The following ANKS1B variants were observed in gnomAD, a reference collection of about 807,000 sequenced individuals.
ANKS1B encodes ankyrin repeat and sterile alpha motif domain-containing protein 1B.
Under a neutral mutation model 148.3 loss-of-function variants are expected in ANKS1B, and 36 were observed. That is an observed-to-expected ratio of 0.24 (90% confidence interval 0.19 to 0.32). The LOEUF (loss-of-function observed/expected upper bound fraction) is 0.32. ANKS1B is among the 10% of genes least tolerant of loss of function. The pLI is 1.00. For synonymous variants in ANKS1B, 542 were observed against 560.8 expected (o/e 0.97, Z 0.47); for missense variants, 1,157 against 1,542.6 (o/e 0.75, Z 4.19).
chr12:99,574,879 T>A (rs1324499128), intron 9 of ANKS1B, among the ~76,000 whole-genome samples: 1 of 152,042 alleles, frequency 6.6e-6, no homozygotes, highest in Non-Finnish European at 1.5e-5. Context: ...AATGCCTACT[T>A]TCAAAATTCC....
At chr12:99,847,157 C>T (rs2086810818) in intron 1 of ANKS1B, among the ~76,000 whole-genome samples, 1 of 151,340 alleles carries the variant, frequency 6.6e-6, no homozygotes, top group South Asian at 2.1e-4. Context: ...ACCCAGTACA[C>T]AGTGCAATGG....
intron 8 of ANKS1B, among the ~76,000 whole-genome samples, chr12:99,691,762 C>T (rs769225311): frequency 4.6e-5 from 7 of 152,196 alleles, no homozygotes; most frequent in Non-Finnish European, 8.8e-5. Flanking sequence ...TCCAAAGTTG[C>T]GTCCAAATTT....
intron 14 of ANKS1B, among the ~76,000 whole-genome samples, chr12:99,169,745 G>A (rs1345372836): frequency 1.3e-5 from 2 of 152,172 alleles, no homozygotes; most frequent in East Asian, 3.8e-4. Context: ...CAGTAAACTA[G>A]TAGTACTATT....
chr12:99,476,502 CTG>C (rs1205992141), intron 10 of ANKS1B, among the ~76,000 whole-genome samples: 13 of 152,060 alleles, frequency 8.5e-5, no homozygotes, highest in African/African-American at 2.9e-4. Flanking sequence ...GGGTTAATAA[CTG>C]TGATCTATAA....
At chr12:99,505,420 T>TAATTACTAATTCCTTGTAA (rs2096700635) in intron 9 of ANKS1B, among the ~76,000 whole-genome samples, 2 of 151,950 alleles carry the variant, frequency 1.3e-5, no homozygotes, top group African/African-American at 4.8e-5. Context: ...TCCTTGTAAA[T>TAATTACTAATTCCTTGTAA]ACCATTAACT....
At chr12:98,753,096 G>C (rs7959018) in intron 25 of ANKS1B, among the ~76,000 whole-genome samples, 14 of 152,178 alleles carry the variant, frequency 9.2e-5, no homozygotes. Context: ...CAAGAGACAG[G>C]TGATTCTGTC....
Position 98,745,574 on chromosome 12 carries a change from A to G in ANKS1B, c.*165T>C, listed in dbSNP as rs1687886964. ...GTCTTGCGTTTTCCATCACTGGTGCAGAAAGAACTTCCCCAGGAATGGCCA... is the reference window on the plus strand; with the variant it reads ...GTCTTGCGTTTTCCATCACTGGTGCGGAAAGAACTTCCCCAGGAATGGCCA... On this transcript the variant is annotated 3_prime_UTR_variant, in exon 27 of 27. Coordinates refer to ENST00000683438, the MANE Select transcript of ANKS1B (RefSeq NM_001352186.2). The G allele has an allele frequency of 2.2e-6, 3 of 1,394,116 alleles. No individual in the cohort carries two copies. The highest frequency in any genetic ancestry group is 2.8e-6 in the Non-Finnish European group (3 of 1,070,952). 86.4% of individuals were successfully genotyped at this position (1,394,116 alleles called of 1,614,324 possible). A position where few individuals can be genotyped will look rare whatever the true frequency, so the allele number is the denominator to read the frequency against.
chr12:99,203,573 C>T (rs1344705351), intron 14 of ANKS1B, among the ~76,000 whole-genome samples: 1 of 151,926 alleles, frequency 6.6e-6, no homozygotes. Context: ...GTCTCAGCCT[C>T]CCAAGTAGCT....
chr12:99,239,529 A>C (rs1353128205), intron 14 of ANKS1B, among the ~76,000 whole-genome samples: 1 of 152,228 alleles, frequency 6.6e-6, no homozygotes, highest in Non-Finnish European at 1.5e-5. Flanking sequence ...CGAATCTAGC[A>C]AGGCAGGCCA....
At chr12:99,001,329 A>G (rs1024216837) in intron 17 of ANKS1B, among the ~76,000 whole-genome samples, 4 of 151,902 alleles carry the variant, frequency 2.6e-5, no homozygotes, top group Non-Finnish European at 5.9e-5. Context: ...AGGTCTCACT[A>G]TGTTGCCCAG....
chr12:98,981,026 C>T (rs550881386), intron 17 of ANKS1B, among the ~76,000 whole-genome samples: 13 of 151,660 alleles, frequency 8.6e-5, no homozygotes, highest in Non-Finnish European at 1.5e-4. Flanking sequence ...TTTTTTTAGG[C>T]CAGGCATGGT....
chr12:99,664,711 T>C (rs2098497241), intron 8 of ANKS1B, among the ~76,000 whole-genome samples: 1 of 152,198 alleles, frequency 6.6e-6, no homozygotes, highest in Admixed American at 6.5e-5. Flanking sequence ...CCTATCAATA[T>C]TTCCCTACTG....
rs1005765356 is a variant in ANKS1B at position 99,585,408 on chromosome 12, C to G, written c.1272+69659G>C. On this transcript the variant is annotated intron_variant, in intron 9 of 26. Coordinates refer to ENST00000683438, the MANE Select transcript of ANKS1B (RefSeq NM_001352186.2). ...TGTGGTTTTGCAGGGTACAGCCCCC[C>G]TCCCGGCTACTTTCACAGGCCAGCA... 2.6e-5 allele frequency among the ~76,000 whole-genome samples: 4 copies of G among 152,330 alleles called. No individual in the cohort carries two copies. In the East Asian group the frequency reaches 5.8e-4, roughly 22 times the overall value.
chr12:99,628,693 C>T (rs147041303), intron 9 of ANKS1B, among the ~76,000 whole-genome samples: 1 of 152,240 alleles, frequency 6.6e-6, no homozygotes, highest in Non-Finnish European at 1.5e-5. Flanking sequence ...GAGGATGGGA[C>T]ATCCAAAGTC....
intron 1 of ANKS1B, among the ~76,000 whole-genome samples, chr12:99,857,263 AG>A (rs1188580746): frequency 6.6e-6 from 1 of 152,148 alleles, no homozygotes; most frequent in African/African-American, 2.4e-5. Flanking sequence ...AATCAAATCA[AG>A]AACTCAAGCC....
intron 12 of ANKS1B, among the ~76,000 whole-genome samples, chr12:99,280,459 G>T (rs1230748445): frequency 1.3e-5 from 2 of 152,146 alleles, no homozygotes; most frequent in East Asian, 1.9e-4. Context: ...CACAAGTTAT[G>T]TGTTTTACTT....
intron 10 of ANKS1B, among the ~76,000 whole-genome samples, chr12:99,452,081 G>A (rs1325952725): frequency 6.6e-6 from 1 of 151,994 alleles, no homozygotes. Context: ...TTTCTGTAAA[G>A]GGCCAGATGG....
intron 25 of ANKS1B, 32 bp downstream of exon 25, chr12:98,773,010 C>A (rs755307256): frequency 6.2e-7 from 1 of 1,613,268 alleles, no homozygotes; most frequent in African/African-American, 1.3e-5. Flanking sequence ...TCTGCAAAGT[C>A]TTTAATCTGT....
chr12:99,949,079 T>C (rs917710341), intron 1 of ANKS1B, among the ~76,000 whole-genome samples: 21 of 152,148 alleles, frequency 1.4e-4, no homozygotes, highest in African/African-American at 4.8e-4. Context: ...ATATGAAATA[T>C]TTATACATGA....
Sources: gnomAD v4.1 joint callset for allele counts (sites outside exome capture counted in the v4.1 genomes callset) on GRCh38, gnomAD v4.1.1 for gene constraint, MANE v1.5 for transcripts, NCBI Gene and HGNC (gene_info 2026-07-23, HGNC 2026-07-21) for gene names.